TRHDE: variants seen among roughly 807,000 people sequenced by gnomAD.
TRHDE encodes thyrotropin-releasing hormone-degrading ectoenzyme.
TRHDE carries 72 observed loss-of-function variants against 125.7 expected under a neutral mutation model. The observed-to-expected ratio is 0.57, with a 90% CI of 0.47 to 0.70. The LOEUF (loss-of-function observed/expected upper bound fraction) is 0.70, where lower values mean the gene tolerates loss of function less well. TRHDE is among the 30% of genes least tolerant of loss of function. The probability of loss-of-function intolerance (pLI) is 0.00; values close to 1 mark genes in which losing one functional copy is unlikely to be tolerated. For synonymous variants in TRHDE, 509 were observed against 509.1 expected, an observed-to-expected ratio of 1.00 and a Z score of 0.00; for missense variants, 1,110 against 1,327.1, an observed-to-expected ratio of 0.84 and a Z score of 2.54.
intron 1 of TRHDE, among the ~76,000 whole-genome samples, chr12:72,281,807 A>G (rs186875175): frequency 2.5e-4 from 38 of 152,332 alleles, no homozygotes; most frequent in African/African-American, 8.7e-4. Context: ...ACATTAATGC[A>G]TTACTTCTGC....
chr12:72,479,960 A>G (rs1380137509), intron 5 of TRHDE, among the ~76,000 whole-genome samples: 3 of 151,616 alleles, frequency 2.0e-5, no homozygotes, highest in South Asian at 2.1e-4. Flanking sequence ...ATGATTTCCA[A>G]TTTCATCCAT....
intron 2 of TRHDE, among the ~76,000 whole-genome samples, chr12:72,343,160 C>T (rs1195506627): frequency 6.6e-6 from 1 of 152,028 alleles, no homozygotes; most frequent in African/African-American, 2.4e-5. Context: ...ACTTGAATCA[C>T]CCAAAGAAGA....
chr12:72,598,292 T>C (rs547012043), intron 12 of TRHDE, among the ~76,000 whole-genome samples: 93 of 152,308 alleles, frequency 6.1e-4, no homozygotes, highest in African/African-American at 2.2e-3. Context: ...TATTTGAAAA[T>C]TGTAGAGAAA....
chr12:72,550,791 A>T (rs1869638723), intron 7 of TRHDE, among the ~76,000 whole-genome samples: 1 of 151,934 alleles, frequency 6.6e-6, no homozygotes, highest in Non-Finnish European at 1.5e-5. Flanking sequence ...CAAAATGTTA[A>T]ACTAGTGTAT....
At chr12:72,646,642 A>T (rs1464330892) in intron 15 of TRHDE, among the ~76,000 whole-genome samples, 3 of 152,016 alleles carry the variant, frequency 2.0e-5, no homozygotes, top group African/African-American at 4.8e-5. Flanking sequence ...ATGGAAAAAG[A>T]TACTCTTTGC....
At chr12:72,164,636 G>A (rs1370396336) in intron 2 of TRHDE, among the ~76,000 whole-genome samples, 1 of 152,172 alleles carries the variant, frequency 6.6e-6, no homozygotes, top group Non-Finnish European at 1.5e-5. Flanking sequence ...CAGCAGCAGC[G>A]AGCTGGACAA....
chr12:72,596,420 A>C (rs1871943512), intron 12 of TRHDE, among the ~76,000 whole-genome samples: 1 of 152,170 alleles, frequency 6.6e-6, no homozygotes, highest in Non-Finnish European at 1.5e-5. Context: ...TTTGCACTAG[A>C]TATATACAAC....
chr12:72,493,209 AT>A (rs1877763199), intron 5 of TRHDE, among the ~76,000 whole-genome samples: 1 of 151,982 alleles, frequency 6.6e-6, no homozygotes, highest in South Asian at 2.1e-4. Flanking sequence ...ATATCCAGAT[AT>A]TGTGAACATT....
At chr12:72,110,422 T>A (rs1441541792) in intron 2 of TRHDE, among the ~76,000 whole-genome samples, 1 of 146,778 alleles carries the variant, frequency 6.8e-6, no homozygotes, top group Non-Finnish European at 1.5e-5. Flanking sequence ...AAAATTCACC[T>A]TTTTTTTTTA....
chr12:72,600,558 T>C (rs1872168434), intron 12 of TRHDE, among the ~76,000 whole-genome samples: 1 of 152,084 alleles, frequency 6.6e-6, no homozygotes, highest in African/African-American at 2.4e-5. Context: ...TGAATGTTAT[T>C]GGTGTATAGA....
chr12:72,347,849 C>T (rs974640471), intron 2 of TRHDE, among the ~76,000 whole-genome samples: 10 of 151,876 alleles, frequency 6.6e-5, no homozygotes, highest in South Asian at 2.1e-4. Flanking sequence ...ATTGGCCTCC[C>T]GTTACTTTTG....
chr12:72,514,640 ATTTAT>A (rs1032659489), intron 6 of TRHDE, among the ~76,000 whole-genome samples: 9 of 150,724 alleles, frequency 6.0e-5, no homozygotes, highest in African/African-American at 1.9e-4. Context: ...TTTTTTTTTA[ATTTAT>A]TATTATTTTA....
intron 2 of TRHDE, among the ~76,000 whole-genome samples, chr12:72,136,217 T>TA (rs1477566357): frequency 6.6e-6 from 1 of 152,164 alleles, no homozygotes; most frequent in Non-Finnish European, 1.5e-5. Flanking sequence ...TTGATGGTTT[T>TA]AAAAAACGTG....
chr12:72,618,269 A>G (rs1294381120), intron 12 of TRHDE, among the ~76,000 whole-genome samples: 2 of 152,150 alleles, frequency 1.3e-5, no homozygotes, highest in East Asian at 3.9e-4. Context: ...GACACATTTT[A>G]TTTTGAAAGG....
chr12:72,621,763 C>T lies in TRHDE; in HGVS notation c.2675+12C>T. 1.9e-6 allele frequency: 3 copies of T among 1,562,856 alleles called. No homozygotes were observed. The highest frequency in any genetic ancestry group is 2.6e-6 in the Non-Finnish European group (3 of 1,142,672). On this transcript the variant is annotated intron_variant, in intron 15 of 18. Transcript: ENST00000261180. The stretch of plus-strand genomic sequence containing the variant: ...AGCAACAGGAACAGGTAAACTGAGC[C>T]AAATCCTGTATTTCTGATATTATTT...
chr12:72,642,621 G>A (rs929397840), intron 15 of TRHDE, among the ~76,000 whole-genome samples: 4 of 152,056 alleles, frequency 2.6e-5, no homozygotes, highest in South Asian at 2.1e-4. Context: ...CATGTATACC[G>A]TACCTAGAGA....
chr12:72,532,322 T>C (rs1868597702), intron 6 of TRHDE, among the ~76,000 whole-genome samples: 1 of 151,696 alleles, frequency 6.6e-6, no homozygotes, highest in Non-Finnish European at 1.5e-5. Context: ...CTATACTCTT[T>C]TATTGATTTT....
chr12:72,148,945 T>C (rs1221311720), intron 2 of TRHDE, among the ~76,000 whole-genome samples: 1 of 152,186 alleles, frequency 6.6e-6, no homozygotes, highest in African/African-American at 2.4e-5. Flanking sequence ...TAGGACAGTG[T>C]GTATGCTCAA....
chr12:72,253,211 A>G (rs763473485), intron 2 of TRHDE, among the ~76,000 whole-genome samples: 4 of 152,126 alleles, frequency 2.6e-5, no homozygotes, highest in Non-Finnish European at 5.9e-5. Context: ...TCGATCTTAT[A>G]TCCTGTGATC....
Sources: gnomAD v4.1 joint callset for allele counts (sites outside exome capture counted in the v4.1 genomes callset) on GRCh38, gnomAD v4.1.1 for gene constraint, MANE v1.5 for transcripts, NCBI Gene and HGNC (gene_info 2026-07-23, HGNC 2026-07-21) for gene names.